Variants in LRCH2 observed in about 807,000 individuals in gnomAD.
The protein encoded by LRCH2 is leucine-rich repeat and calponin homology domain-containing protein 2.
LRCH2 carries 38 observed loss-of-function variants against 68.9 expected under a neutral mutation model. The ratio of observed to expected loss-of-function variants is 0.55; its 90% CI spans 0.43 to 0.72. The LOEUF (loss-of-function observed/expected upper bound fraction) is 0.72. Ranked by LOEUF, LRCH2 falls within the 30% of genes least tolerant of loss-of-function variation. The probability of loss-of-function intolerance (pLI) is 0.00; values close to 1 mark genes in which losing one functional copy is unlikely to be tolerated. For missense variants in LRCH2, 528 were observed against 572.9 expected (o/e 0.92, Z 0.80); for synonymous variants, 191 against 208.1 (o/e 0.92, Z 0.71).
intron 3 of LRCH2, among the ~76,000 whole-genome samples, 186 bp from the exon 4 acceptor site, chrX:115,179,937 TAGTAC>T (rs782485023): frequency 3.5e-4 from 39 of 110,972 alleles, no homozygotes; most frequent in African/African-American, 1.1e-3. Context: ...GAAGCCGACC[TAGTAC>T]AGTAAATAGA....
chrX:115,222,295 A>G (rs782388514), intron 1 of LRCH2, among the ~76,000 whole-genome samples: 4 of 112,306 alleles, frequency 3.6e-5, no homozygotes, highest in Admixed American at 1.9e-4. Context: ...CAGAGCTAAC[A>G]TTATATTTAA....
chrX:115,204,910 G>A (rs1229575796), intron 1 of LRCH2, among the ~76,000 whole-genome samples: 1 of 111,870 alleles, frequency 8.9e-6, no homozygotes, highest in Non-Finnish European at 1.9e-5. Context: ...ATATTTTCAA[G>A]TTTCCTTATA....
rs998207116 is a variant in LRCH2, at chrX:115,111,515, A to G, written c.*1701T>C. 9.0e-6 allele frequency: 1 copy of G among 110,786 alleles called. No individual in the cohort carries two copies. Among genetic ancestry groups the G allele is most frequent in the Non-Finnish European group, 1.9e-5 (1 of 52,912 alleles). The allele number at this position is 110,786 out of a possible 1,213,427, so 9.1% of individuals were successfully genotyped here. A position where few individuals can be genotyped will look rare whatever the true frequency, so the allele number is the denominator to read the frequency against. On this transcript the variant is annotated 3_prime_UTR_variant, in exon 21 of 21. Transcript: ENST00000317135. ...TTATTTGCCATTTCTTACATATATT[A>G]CCCAAGTTTTCACTAGGGAGATTAT...
intron 20 of LRCH2, among the ~76,000 whole-genome samples, chrX:115,122,051 CAA>C (rs1453273052): frequency 9.0e-6 from 1 of 110,879 alleles, no homozygotes; most frequent in African/African-American, 3.3e-5. Context: ...CTAAAAATTT[CAA>C]AGTTTGTCCA....
chrX:115,212,783 C>A (rs782232157), intron 1 of LRCH2, among the ~76,000 whole-genome samples: 3 of 108,934 alleles, frequency 2.8e-5, no homozygotes, highest in Admixed American at 9.8e-5. Flanking sequence ...CCAGCCTGGG[C>A]AACATGGCAA....
intron 5 of LRCH2, among the ~76,000 whole-genome samples, chrX:115,171,380 T>C (rs2072603529): frequency 9.0e-6 from 1 of 111,568 alleles, no homozygotes; most frequent in Non-Finnish European, 1.9e-5. Flanking sequence ...TATTAGAATA[T>C]AAATATATTG....
intron 14 of LRCH2, among the ~76,000 whole-genome samples, chrX:115,132,297 T>G (rs2072252681): frequency 8.9e-6 from 1 of 111,873 alleles, no homozygotes; most frequent in African/African-American, 3.3e-5. Flanking sequence ...GCTTTCTACA[T>G]ATGGCTAGCT....
chrX:115,182,826 C>A (rs2072702736), intron 3 of LRCH2, among the ~76,000 whole-genome samples: 1 of 77,419 alleles, frequency 1.3e-5, no homozygotes, highest in South Asian at 6.9e-4. Context: ...GAGTGAACTT[C>A]GTCTCAAAAA....
At chrX:115,192,793 G>C in intron 1 of LRCH2, 1 of 588,231 alleles carries the variant, frequency 1.7e-6, no homozygotes, top group Non-Finnish European at 2.6e-6. Context: ...TTATGCTTTT[G>C]TGAGGAAAAA....
intron 11 of LRCH2, among the ~76,000 whole-genome samples, chrX:115,157,777 G>C (rs893929438): frequency 1.9e-4 from 21 of 109,739 alleles, no homozygotes; most frequent in African/African-American, 6.6e-4. Context: ...AGAAGAGACC[G>C]CAGTAAGTAC....
chrX:115,194,056 G>A (rs2072868487), intron 1 of LRCH2, among the ~76,000 whole-genome samples: 1 of 110,245 alleles, frequency 9.1e-6, no homozygotes, highest in Non-Finnish European at 1.9e-5. Flanking sequence ...TCATTCCAAG[G>A]GATGAGGCCT....
chrX:115,192,419 C>T (rs1410987125), intron 1 of LRCH2: 2 of 1,165,076 alleles, frequency 1.7e-6, no homozygotes, highest in Non-Finnish European at 2.3e-6. Flanking sequence ...TTGCCTGACG[C>T]CTACAGCGGC....
At chrX:115,160,205 A>C (rs947085194) in intron 11 of LRCH2, among the ~76,000 whole-genome samples, 1 of 110,655 alleles carries the variant, frequency 9.0e-6, no homozygotes, top group Admixed American at 9.6e-5. Flanking sequence ...AGTCCCAGCT[A>C]CTTGGGAGGC....
At chrX:115,154,860 A>C (rs370026957) in intron 12 of LRCH2, among the ~76,000 whole-genome samples, 11 of 109,061 alleles carry the variant, frequency 1.0e-4, no homozygotes, top group African/African-American at 3.7e-4. Context: ...ATTTAAGTTA[A>C]GAAAATAATA....
At chrX:115,114,035 ATCTC>A (rs782277467) in intron 20 of LRCH2, among the ~76,000 whole-genome samples, 85 of 111,036 alleles carry the variant, frequency 7.7e-4, no homozygotes, top group African/African-American at 2.4e-3. Flanking sequence ...TCCTCCCAAG[ATCTC>A]TCTATTGATC....
At chrX:115,173,150 G>A (rs2072617726) in intron 5 of LRCH2, among the ~76,000 whole-genome samples, 1 of 110,841 alleles carries the variant, frequency 9.0e-6, no homozygotes, top group Admixed American at 9.7e-5. Context: ...ATTAAAGTAT[G>A]AGTTACAAAT....
Position 115,149,859 on chromosome X carries a change from G to A in LRCH2, c.1663C>T (p.Arg555Trp), listed in dbSNP as rs782724339. ...PIIWQSEERR[R>W]SKQIRKEYFK... ...TATTCTTTTCTAATCTGTTTGCTCC[G>A]CCTCCTTTCTTCACTCTGCCAGATT... Residue 555 changes from arginine (R) to tryptophan (W), a missense_variant, in exon 14 of 21, where the codon CGG (arginine) becomes TGG (tryptophan). Coordinates refer to ENST00000317135, the MANE Select transcript of LRCH2 (RefSeq NM_020871.4). 12 of 1,195,524 alleles carry A rather than the reference G, an allele frequency of 1.0e-5. No individual in the cohort carries two copies. The highest frequency in any genetic ancestry group is 3.5e-5 in the African/African-American group (2 of 56,763).
chrX:115,192,723 G>A lies in LRCH2; in HGVS notation c.350-4353C>T, dbSNP rs1430968263. On this transcript the variant is annotated intron_variant, in intron 1 of 20. Transcript: ENST00000317135. ...ACCTGTTCTATGTTAACTACCCAAGGACTAGTATAAGTAGGAGTTGTTTTT... is the reference window on the plus strand; with the variant it reads ...ACCTGTTCTATGTTAACTACCCAAGAACTAGTATAAGTAGGAGTTGTTTTT... 4 of 987,154 alleles carry A rather than the reference G, an allele frequency of 4.1e-6. No individual in the cohort carries two copies. In the African/African-American group the frequency reaches 7.6e-5, roughly 19 times the overall value. 81.4% of individuals were successfully genotyped at this position (987,154 alleles called of 1,213,427 possible). A position where few individuals can be genotyped will look rare whatever the true frequency, so the allele number is the denominator to read the frequency against.
chrX:115,130,156 T>C lies in LRCH2; in HGVS notation c.1739A>G (p.Glu580Gly), dbSNP rs868958012. The C allele has an allele frequency of 9.8e-7, 1 of 1,015,370 alleles. No individual in the cohort carries two copies. The highest frequency in any genetic ancestry group is 1.3e-6 in the Non-Finnish European group (1 of 742,832). The allele number at this position is 1,015,370 out of a possible 1,213,427, so 83.7% of individuals were successfully genotyped here. Residue 580 changes from glutamate (E) to glycine (G), a missense_variant and splice_region_variant, in exon 15 of 21, where the codon GAG (glutamate) becomes GGG (glycine). Transcript: ENST00000317135. ...ATTATTAATATTATCTTTTCTCACCTCATCATTTTCATTGCCACTTGAACT... is the reference window on the plus strand; with the variant it reads ...ATTATTAATATTATCTTTTCTCACCCCATCATTTTCATTGCCACTTGAACT... Reference protein sequence around the residue: ...RKSSSGNENDEQDSDNANMST... With the variant: ...RKSSSGNENDGQDSDNANMST...
Sources: gnomAD v4.1 joint callset for allele counts (sites outside exome capture counted in the v4.1 genomes callset) on GRCh38, gnomAD v4.1.1 for gene constraint, MANE v1.5 for transcripts, NCBI Gene and HGNC (gene_info 2026-07-23, HGNC 2026-07-21) for gene names.